NCAM2: variants seen among roughly 807,000 people sequenced by gnomAD.
NCAM2 encodes the protein N-CAM-2.
A neutral mutation model predicts 98.1 loss-of-function variants in NCAM2; 30 were observed. The observed-to-expected ratio is 0.31, with a 90% CI of 0.23 to 0.41. The LOEUF (loss-of-function observed/expected upper bound fraction) is 0.41, where lower values mean the gene tolerates loss of function less well. Ranked by LOEUF, NCAM2 falls within the 10% of genes least tolerant of loss-of-function variation. The pLI is 1.00. For synonymous variants in NCAM2, 368 were observed against 342.4 expected (o/e 1.07, Z -0.83); for missense variants, 867 against 1,005.8 (o/e 0.86, Z 1.87).
intron 15 of NCAM2, among the ~76,000 whole-genome samples, chr21:21,490,378 T>C (rs75249304): frequency 0.1 from 15,304 of 152,032 alleles, 875 homozygotes; most frequent in Middle Eastern, 0.22. Flanking sequence ...GAATTAAACT[T>C]AATTTTAATT....
At chr21:21,432,009 C>A (rs2077355244) in intron 11 of NCAM2, 99 bp from the exon 12 acceptor site, 2 of 974,320 alleles carry the variant, frequency 2.1e-6, no homozygotes, top group East Asian at 2.5e-5. Context: ...ATACAGGTAG[C>A]AGTTTTCCTT....
At chr21:21,265,252 T>C (rs2072186733) in intron 1 of NCAM2, among the ~76,000 whole-genome samples, 1 of 129,156 alleles carries the variant, frequency 7.7e-6, no homozygotes, top group African/African-American at 2.8e-5. Context: ...TATGTGTATA[T>C]ATACGTATAT....
At chr21:21,299,144 G>A (rs1191094947) in intron 5 of NCAM2, among the ~76,000 whole-genome samples, 1 of 151,586 alleles carries the variant, frequency 6.6e-6, no homozygotes, top group African/African-American at 2.4e-5. Flanking sequence ...GGAGATGAAT[G>A]GCATTCAGGA....
At chr21:21,196,768 T>C (rs1219671822) in intron 1 of NCAM2, among the ~76,000 whole-genome samples, 2 of 152,240 alleles carry the variant, frequency 1.3e-5, no homozygotes, top group Non-Finnish European at 2.9e-5. Flanking sequence ...TTTGGATCTG[T>C]GTCTCCACCC....
chr21:21,071,968 A>AGT (rs1223142001), intron 1 of NCAM2, among the ~76,000 whole-genome samples: 1 of 151,822 alleles, frequency 6.6e-6, no homozygotes, highest in Non-Finnish European at 1.5e-5. Context: ...GCTGGAGTGC[A>AGT]GTGGCGCGAT....
chr21:21,413,082 T>G (rs2145929552), intron 10 of NCAM2, among the ~76,000 whole-genome samples: 1 of 152,286 alleles, frequency 6.6e-6, no homozygotes, highest in Non-Finnish European at 1.5e-5. Context: ...ATTCAATAAA[T>G]TATTTAAGTT....
At position 21,530,251 on chromosome 21, in the gene NCAM2, T is replaced by C. The variant is rs1989584496; in HGVS notation, c.2283-4286T>C. On this transcript the variant is annotated intron_variant, in intron 16 of 17. Coordinates refer to ENST00000400546, the MANE Select transcript of NCAM2 (RefSeq NM_004540.5). ...ATATATATTTAATTTAAATTAATTA[T>C]ATATAATTTAATTTAATTATATATA... Among the ~76,000 whole-genome samples, 3 of 118,136 alleles carry C rather than the reference T, an allele frequency of 2.5e-5. 1 individual carries two copies. In the South Asian group the frequency reaches 8.4e-4, roughly 33 times the overall value. The allele number at this position is 118,136 out of a possible 152,430, so 77.5% of individuals were successfully genotyped here.
At chr21:21,240,421 G>A (rs893883136) in intron 1 of NCAM2, among the ~76,000 whole-genome samples, 1 of 150,318 alleles carries the variant, frequency 6.7e-6, no homozygotes, top group African/African-American at 2.4e-5. Flanking sequence ...AATTGTTTCT[G>A]AGAAAAAAGA....
intron 1 of NCAM2, among the ~76,000 whole-genome samples, chr21:21,038,197 G>T (rs1391436003): frequency 6.6e-6 from 1 of 151,888 alleles, no homozygotes; most frequent in Non-Finnish European, 1.5e-5. Context: ...AACTGACAAG[G>T]TTGACATTTA....
intron 8 of NCAM2, among the ~76,000 whole-genome samples, chr21:21,358,505 A>G (rs2075558021): frequency 6.6e-6 from 1 of 152,024 alleles, no homozygotes; most frequent in Non-Finnish European, 1.5e-5. Flanking sequence ...AAATACACGC[A>G]CATCCACTTT....
intron 1 of NCAM2, among the ~76,000 whole-genome samples, chr21:21,017,168 A>C (rs1223317603): frequency 6.6e-6 from 1 of 150,974 alleles, no homozygotes; most frequent in Non-Finnish European, 1.5e-5. Context: ...GCTCACGCCT[A>C]TAATCCCAGC....
chr21:21,075,764 T>C (rs1379883158), intron 1 of NCAM2, among the ~76,000 whole-genome samples: 1 of 152,208 alleles, frequency 6.6e-6, no homozygotes, highest in Non-Finnish European at 1.5e-5. Flanking sequence ...AATAAACATA[T>C]AGTTTTTCTC....
chr21:21,003,960 C>T (rs552087584), intron 1 of NCAM2, among the ~76,000 whole-genome samples: 5 of 152,176 alleles, frequency 3.3e-5, no homozygotes, highest in Admixed American at 6.5e-5. Context: ...AGGAATGATG[C>T]GCTTTTTTTT....
chr21:21,484,234 G>A (rs1986146692), intron 15 of NCAM2, among the ~76,000 whole-genome samples: 1 of 152,098 alleles, frequency 6.6e-6, no homozygotes, highest in Non-Finnish European at 1.5e-5. Context: ...ACATAGAAAT[G>A]TTTTATACAA....
intron 1 of NCAM2, among the ~76,000 whole-genome samples, chr21:21,187,263 G>A (rs1232099895): frequency 6.6e-6 from 1 of 151,960 alleles, no homozygotes; most frequent in Non-Finnish European, 1.5e-5. Context: ...AACCCTGAAT[G>A]TATTATACTT....
At chr21:21,348,899 C>T (rs1451032042) in intron 8 of NCAM2, among the ~76,000 whole-genome samples, 1 of 152,108 alleles carries the variant, frequency 6.6e-6, no homozygotes, top group Non-Finnish European at 1.5e-5. Context: ...AAGAACAAAA[C>T]TTGACCCCTG....
intron 1 of NCAM2, among the ~76,000 whole-genome samples, chr21:21,083,846 A>G (rs1372471687): frequency 6.6e-6 from 1 of 152,192 alleles, no homozygotes; most frequent in Non-Finnish European, 1.5e-5. Context: ...ATGGTAATGT[A>G]ATATCATAAC....
At chr21:21,135,434 G>C (rs1442167362) in intron 1 of NCAM2, among the ~76,000 whole-genome samples, 1 of 152,060 alleles carries the variant, frequency 6.6e-6, no homozygotes, top group Non-Finnish European at 1.5e-5. Context: ...GATTCGGTAG[G>C]TGCCAAATAA....
intron 1 of NCAM2, among the ~76,000 whole-genome samples, chr21:21,167,511 C>G (rs920166795): frequency 6.6e-6 from 1 of 151,704 alleles, no homozygotes; most frequent in Non-Finnish European, 1.5e-5. Context: ...AACAGGAAAT[C>G]AAGAGAGAAA....
Sources: allele counts gnomAD v4.1 joint callset (sites outside exome capture counted in the v4.1 genomes callset), GRCh38; gene constraint gnomAD v4.1.1; transcripts MANE v1.5; gene names NCBI Gene and HGNC (gene_info 2026-07-23, HGNC 2026-07-21).